Variants in ZNF234 observed in about 807,000 individuals in gnomAD.
ZNF234 encodes C2-H2 type zinc finger protein.
In ZNF234, 4 loss-of-function variants were observed where a neutral mutation model predicts 10.3. The ratio of observed to expected loss-of-function variants is 0.39; its 90% CI spans 0.19 to 0.89. ZNF234 has a LOEUF of 0.89. Among genes scored for constraint, ZNF234 ranks in the 40% least tolerant of loss-of-function variants. The probability of loss-of-function intolerance (pLI) is 0.38; values close to 1 mark genes in which losing one functional copy is unlikely to be tolerated. For missense variants in ZNF234, 711 were observed against 836.1 expected, an observed-to-expected ratio of 0.85 and a Z score of 1.85; for synonymous variants, 258 against 280.1, an observed-to-expected ratio of 0.92 and a Z score of 0.79.
At chr19:44,156,148 TG>T in intron 5 of ZNF234, 103 bp from the exon 6 acceptor site, 1 of 1,034,484 alleles carries the variant, frequency 9.7e-7, no homozygotes, top group Non-Finnish European at 1.4e-6. Context: ...TTACACAAAC[TG>T]GACCTTCTCT....
chr19:44,156,607 C>G lies in ZNF234; in HGVS notation c.591C>G (p.Val197=). 6.2e-7 allele frequency: 1 copy of G among 1,614,066 alleles called. No individual in the cohort carries two copies. The highest frequency in any genetic ancestry group is 1.6e-4 in the Middle Eastern group (1 of 6,062). ...YISALHIHQR[V]HMGEKCYKCD... is the part of the protein sequence containing the mutation. The stretch of plus-strand genomic sequence containing the variant: ...CAGCCCTTCATATTCATCAAAGAGT[C>G]CACATGGGAGAGAAATGCTATAAGT... The change falls in exon 6 of 6, where the codon GTC becomes GTG. Residue 197 remains valine, a synonymous_variant. Coordinates refer to ENST00000426739, the MANE Select transcript of ZNF234 (RefSeq NM_006630.3).
Position 44,157,081 on chromosome 19 carries a change from G to C in ZNF234, c.1065G>C (p.Gln355His). 4 of 1,614,108 alleles carry C rather than the reference G, an allele frequency of 2.5e-6. No homozygotes were observed. The highest frequency in any genetic ancestry group is 3.4e-6 in the Non-Finnish European group (4 of 1,180,012). Residue 355 changes from glutamine to histidine, a missense_variant, in exon 6 of 6, where the codon CAG becomes CAC. By Grantham distance (24) the Gln-to-His change is conservative. Transcript: ENST00000426739. ...KCEECGKCFI[Q>H]PSQFQAHRRI... The stretch of plus-strand genomic sequence containing the variant: ...AAGAATGTGGTAAGTGCTTTATTCA[G>C]CCTTCACAATTTCAGGCCCATCGGA...
At position 44,159,287 on chromosome 19, in the gene ZNF234, C is replaced by T. The variant is rs915944200; in HGVS notation, c.*1168C>T. On this transcript the variant is annotated 3_prime_UTR_variant, in exon 6 of 6. Transcript: ENST00000426739. ...CGTCCTCCCAGGCTCCATCCATCTG[C>T]CCATCTCTCCCTCTGAGTAGCTGGG... The T allele has an allele frequency of 6.0e-6, 1 of 166,630 alleles. No individual in the cohort carries two copies. Among genetic ancestry groups the T allele is most frequent in the Non-Finnish European group, 1.3e-5 (1 of 75,998 alleles). The allele number at this position is 166,630 out of a possible 1,614,324, so 10.3% of individuals were successfully genotyped here.
rs1461495921 is a variant in ZNF234, at chr19:44,158,120, T to TC, written c.*1_*2insC. ...AGAGGGAGGAAGTTCTACAAGGTGATTAAAAAAAAAAAAACAGAACTCATG... is the reference window on the plus strand; with the variant it reads ...AGAGGGAGGAAGTTCTACAAGGTGATCTAAAAAAAAAAAAACAGAACTCATG... On this transcript the variant is annotated 3_prime_UTR_variant, in exon 6 of 6. Transcript: ENST00000426739. 6.7e-7 allele frequency: 1 copy of TC among 1,496,552 alleles called. No individual in the cohort carries two copies. Among genetic ancestry groups the TC allele is most frequent in the African/African-American group, 2.8e-5 (1 of 36,108 alleles). 92.7% of individuals were successfully genotyped at this position (1,496,552 alleles called of 1,614,324 possible). A position where few individuals can be genotyped will look rare whatever the true frequency, so the allele number is the denominator to read the frequency against.
rs777672043 is a variant in ZNF234 at position 44,157,459 on chromosome 19, G to C, written c.1443G>C (p.Glu481Asp). 8 of 1,613,992 alleles carry C rather than the reference G, an allele frequency of 5.0e-6. No homozygotes were observed. The highest frequency in any genetic ancestry group is 6.8e-6 in the Non-Finnish European group (8 of 1,179,896). ...LQIHQLIHTG[E>D]KPYKCEECGK... ...TTCACCAGCTGATCCATACCGGTGA[G>C]AAACCATACAAATGTGAAGAGTGCG... The change falls in exon 6 of 6, where the codon GAG becomes GAC. Residue 481 changes from glutamate to aspartate, a missense_variant. Coordinates refer to ENST00000426739, the MANE Select transcript of ZNF234 (RefSeq NM_006630.3).
chr19:44,153,765 C>T (rs1968806121), intron 5 of ZNF234, among the ~76,000 whole-genome samples: 1 of 152,172 alleles, frequency 6.6e-6, no homozygotes, highest in Non-Finnish European at 1.5e-5. Context: ...TTTCAAATAA[C>T]ATTTGGAAAA....
intron 1 of ZNF234, chr19:44,142,070 G>A (rs1022239810): frequency 1.3e-5 from 2 of 152,322 alleles, no homozygotes; most frequent in African/African-American, 4.8e-5. Flanking sequence ...CACTTGGTGA[G>A]TGGTGGTTTC....
At chr19:44,146,616 C>A (rs1188107543) in intron 3 of ZNF234, among the ~76,000 whole-genome samples, 1 of 151,876 alleles carries the variant, frequency 6.6e-6, no homozygotes, top group Non-Finnish European at 1.5e-5. Flanking sequence ...CAAGTTGGGG[C>A]AAAAATATTT....
chr19:44,158,131 A>AAC lies in ZNF234; in HGVS notation c.*13_*14insCA, dbSNP rs764444353. On this transcript the variant is annotated 3_prime_UTR_variant, in exon 6 of 6. Coordinates refer to ENST00000426739, the MANE Select transcript of ZNF234 (RefSeq NM_006630.3). ...GTTCTACAAGGTGATTAAAAAAAAAAAAACAGAACTCATGTACAACCTGAA... is the reference window on the plus strand; with the variant it reads ...GTTCTACAAGGTGATTAAAAAAAAAAACAAACAGAACTCATGTACAACCTGAA... 35 of 1,584,536 alleles carry AAC rather than the reference A, an allele frequency of 2.2e-5. No homozygotes were observed. The African/African-American group carries it at 3.4e-4, about 16-fold the overall frequency.
At chr19:44,150,724 T>C (rs1222920386) in intron 5 of ZNF234, among the ~76,000 whole-genome samples, 1 of 152,112 alleles carries the variant, frequency 6.6e-6, no homozygotes, top group East Asian at 1.9e-4. Flanking sequence ...TTTGGAAATG[T>C]AAGTCAGATT....
chr19:44,142,927 T>C lies in ZNF234; in HGVS notation c.-77+560T>C, dbSNP rs76329066. 6.9e-4 allele frequency among the ~76,000 whole-genome samples: 105 copies of C among 152,346 alleles called. 2 individuals are homozygous for C. In the East Asian group the frequency reaches 0.013, roughly 20 times the overall value. On this transcript the variant is annotated intron_variant, in intron 2 of 5. Transcript: ENST00000426739. ...AGTGGTTCCATGTTTATATTACTTA[T>C]AAATGTTTTACAAAATTTTTATTAT...
At position 44,158,099 on chromosome 19, in the gene ZNF234, G is replaced by T; in HGVS notation, c.2083G>T (p.Gly695Ter). ...TAAGAACATCAGAGAGTTGTCAGAG[G>T]GAGGAAGTTCTACAAGGTGATTAAA... is the stretch of plus-strand genomic sequence containing the variant. ...NSKNIRELSE[G>*]GSSTR is the part of the protein sequence containing the mutation. The change falls in exon 6 of 6, where the codon GGA (glycine) becomes TGA (stop). Residue 695 changes from glycine to a stop codon, truncating the protein, a stop_gained. Transcript: ENST00000426739. LOFTEE classifies it high-confidence loss of function. The T allele has an allele frequency of 1.3e-6, 2 of 1,596,726 alleles. No homozygotes were observed. Among genetic ancestry groups the T allele is most frequent in the South Asian group, 2.2e-5 (2 of 89,032 alleles).
rs1432477787 is a variant in ZNF234, at chr19:44,159,611, T to C, written c.*1492T>C. 1 of 477,034 alleles carries C rather than the reference T, an allele frequency of 2.1e-6. No homozygotes were observed. The highest frequency in any genetic ancestry group is 2.1e-5 in the Admixed American group (1 of 48,320). 29.6% of individuals were successfully genotyped at this position (477,034 alleles called of 1,614,324 possible). On this transcript the variant is annotated 3_prime_UTR_variant, in exon 6 of 6. Coordinates refer to ENST00000426739, the MANE Select transcript of ZNF234 (RefSeq NM_006630.3). ...AAGGCAGGGGTTTACTCTAACACTT[T>C]TAAAGTGTCAGAAGTAGTTGCCAAT...
intron 3 of ZNF234, among the ~76,000 whole-genome samples, chr19:44,146,625 T>A (rs1968601211): frequency 6.6e-6 from 1 of 152,032 alleles, no homozygotes; most frequent in South Asian, 2.1e-4. Context: ...GCAAAAATAT[T>A]TACCACACAG....
At position 44,158,133 on chromosome 19, in the gene ZNF234, A is replaced by G. The variant is rs1323749305; in HGVS notation, c.*14A>G. 1.3e-6 allele frequency: 2 copies of G among 1,584,728 alleles called. No homozygotes were observed. Among genetic ancestry groups the G allele is most frequent in the Non-Finnish European group, 1.7e-6 (2 of 1,172,820 alleles). Reference sequence around the variant, plus strand: ...TCTACAAGGTGATTAAAAAAAAAAAAACAGAACTCATGTACAACCTGAATG... The same window carrying G: ...TCTACAAGGTGATTAAAAAAAAAAAGACAGAACTCATGTACAACCTGAATG... On this transcript the variant is annotated 3_prime_UTR_variant, in exon 6 of 6. Transcript: ENST00000426739.
rs764156659 is a variant in ZNF234, at chr19:44,157,010, C to A, written c.994C>A (p.Arg332Ser). ...GTGTTTCACTTGTAGCTCAAACCTT[C>A]GTATCCATCAAAGGGTCCACACAGG... ...GKCFTCSSNLRIHQRVHTGEK... is the reference protein window; with the variant it reads ...GKCFTCSSNLSIHQRVHTGEK... Residue 332 changes from arginine (R) to serine (S), a missense_variant, in exon 6 of 6, where the codon CGT becomes AGT. Arg to Ser is a moderately radical substitution (Grantham distance 110). Transcript: ENST00000426739. The A allele has an allele frequency of 6.2e-7, 1 of 1,613,792 alleles. No individual in the cohort carries two copies. Among genetic ancestry groups the A allele is most frequent in the Admixed American group, 1.7e-5 (1 of 59,990 alleles).
Position 44,151,323 on chromosome 19 carries a change from C to T in ZNF234, c.235+818C>T, listed in dbSNP as rs942209819. 4.4e-4 allele frequency among the ~76,000 whole-genome samples: 67 copies of T among 152,110 alleles called. 1 individual carries two copies. Among genetic ancestry groups the T allele is most frequent in the African/African-American group, 1.5e-3 (64 of 41,442 alleles). On this transcript the variant is annotated intron_variant, in intron 5 of 5. Transcript: ENST00000426739. ...GTTCAAGCGATTCTTCTGCCTCAGC[C>T]TCCCAAGTAGCTGGGATTACAGGTG...
In ZNF234 at chr19:44,141,840, T is replaced by G. The variant is rs894280763; in HGVS notation, c.-131+107T>G. On this transcript the variant is annotated intron_variant, in intron 1 of 5. Coordinates refer to ENST00000426739, the MANE Select transcript of ZNF234 (RefSeq NM_006630.3). The surrounding 1 kb of genome is among the most constrained non-coding windows in gnomAD (Gnocchi z 4.6). ...GAGGCGGGGGGCATTGGGACTTGGT[T>G]GGGTCGCGTCTCGCCTGGTTTGAGG... The G allele has an allele frequency of 1.3e-5, 2 of 152,256 alleles. No individual in the cohort carries two copies. Among genetic ancestry groups the G allele is most frequent in the African/African-American group, 4.8e-5 (2 of 41,442 alleles). The allele number at this position is 152,256 out of a possible 1,614,324, so 9.4% of individuals were successfully genotyped here.
chr19:44,151,743 A>C (rs1423723558), intron 5 of ZNF234, among the ~76,000 whole-genome samples: 1 of 152,142 alleles, frequency 6.6e-6, no homozygotes, highest in Non-Finnish European at 1.5e-5. Flanking sequence ...CACAGCCAGC[A>C]ACAGTGCTTC....
Sources: gnomAD v4.1 joint callset for allele counts (sites outside exome capture counted in the v4.1 genomes callset) on GRCh38, gnomAD v4.1.1 for gene constraint, Gnocchi (gnomAD v3.1) non-coding constraint, MANE v1.5 for transcripts, NCBI Gene and HGNC (gene_info 2026-07-23, HGNC 2026-07-21) for gene names.